The following CYB5R4 variants were observed in gnomAD, a reference collection of about 807,000 sequenced individuals.
The protein encoded by CYB5R4 is cytochrome b5 reductase 4.
CYB5R4 carries 55 observed loss-of-function variants against 70.2 expected under a neutral mutation model. The ratio of observed to expected loss-of-function variants is 0.78; its 90% CI spans 0.63 to 0.98. The LOEUF (loss-of-function observed/expected upper bound fraction) is 0.98, where lower values mean the gene tolerates loss of function less well. CYB5R4 is among the 50% of genes least tolerant of loss of function. The probability of loss-of-function intolerance (pLI) is 0.00; values close to 1 mark genes in which losing one functional copy is unlikely to be tolerated. For missense variants in CYB5R4, 562 were observed against 612.6 expected (o/e 0.92, Z 0.87); for synonymous variants, 197 against 199.5 (o/e 0.99, Z 0.11).
At chr6:83,898,249 G>C (rs2099462252) in intron 3 of CYB5R4, among the ~76,000 whole-genome samples, 1 of 152,074 alleles carries the variant, frequency 6.6e-6, no homozygotes, top group Non-Finnish European at 1.5e-5. Context: ...GTTTTTGTCA[G>C]GTTTGTCAAA....
rs1393018372 is a variant in CYB5R4, at chr6:83,955,338, TG to T, written c.1389del (p.Trp463Ter). ...TGTTCTCTCAGCACCTATTTCTGAA[TG>T]GAATGGCAAACAGGGACATATTTCA... is the stretch of plus-strand genomic sequence containing the variant. ...EFVLSAPISEWNGKQGHISPA... is the reference protein window; with the variant it reads ...EFVLSAPISEXNGKQGHISPA... On this transcript the variant is annotated frameshift_variant, in exon 15 of 16. Coordinates refer to ENST00000369681, the MANE Select transcript of CYB5R4 (RefSeq NM_016230.4). LOFTEE classifies it high-confidence loss of function. 6.2e-7 allele frequency: 1 copy of T among 1,613,818 alleles called. No homozygotes were observed. The highest frequency in any genetic ancestry group is 8.5e-7 in the Non-Finnish European group (1 of 1,179,894).
chr6:83,906,049 A>G (rs375828624), intron 3 of CYB5R4, among the ~76,000 whole-genome samples: 280 of 152,262 alleles, frequency 1.8e-3, no homozygotes, highest in African/African-American at 6.4e-3. Context: ...GAGGCCAGCC[A>G]TGGCAGGCAT....
chr6:83,868,250 A>C (rs1033987293), intron 2 of CYB5R4, among the ~76,000 whole-genome samples: 6 of 152,136 alleles, frequency 3.9e-5, no homozygotes, highest in African/African-American at 1.4e-4. Flanking sequence ...TCTGAATTCA[A>C]CTGATCACAA....
chr6:83,866,577 C>T (rs943586324), intron 2 of CYB5R4, among the ~76,000 whole-genome samples: 3 of 151,750 alleles, frequency 2.0e-5, no homozygotes, highest in Non-Finnish European at 4.4e-5. Flanking sequence ...GAATGTATAG[C>T]ACCTCGTCTG....
Position 83,922,469 on chromosome 6 carries a change from T to C in CYB5R4, c.690T>C (p.Ser230=). The C allele has an allele frequency of 1.2e-6, 2 of 1,613,350 alleles. No individual in the cohort carries two copies. Among genetic ancestry groups the C allele is most frequent in the Admixed American group, 3.3e-5 (2 of 59,974 alleles). ...GCCATGAGGTTCAGGAAGATTTTTC[T>C]GGTAAGCTACCAAAAACCAAAAATT... is the stretch of plus-strand genomic sequence containing the variant. ...GLSHEVQEDF[S]VRVVESVGKI... is the part of the protein sequence containing the mutation. Residue 230 remains serine (S), a splice_region_variant and synonymous_variant, in exon 9 of 16, where the codon TCT becomes TCC. Coordinates refer to ENST00000369681, the MANE Select transcript of CYB5R4 (RefSeq NM_016230.4).
At chr6:83,893,187 T>C (rs181690759) in intron 2 of CYB5R4, among the ~76,000 whole-genome samples, 1 of 152,346 alleles carries the variant, frequency 6.6e-6, no homozygotes, top group African/African-American at 2.4e-5. Flanking sequence ...TACCTGGCCC[T>C]CTTCACATAG....
At chr6:83,942,028 G>A (rs1401725584) in intron 14 of CYB5R4, among the ~76,000 whole-genome samples, 3 of 152,140 alleles carry the variant, frequency 2.0e-5, no homozygotes, top group East Asian at 3.9e-4. Context: ...AGAAGATAAC[G>A]TAAATGCTTT....
chr6:83,877,467 G>A (rs186343324), intron 2 of CYB5R4, among the ~76,000 whole-genome samples: 1 of 151,784 alleles, frequency 6.6e-6, no homozygotes, highest in Admixed American at 6.6e-5. Context: ...TTGGGCATCT[G>A]CATCTGGTGA....
At chr6:83,908,484 A>G (rs974027160) in intron 3 of CYB5R4, among the ~76,000 whole-genome samples, 5 of 152,236 alleles carry the variant, frequency 3.3e-5, no homozygotes, top group African/African-American at 1.2e-4. Flanking sequence ...CACACAAAAT[A>G]TAATAAAAAT....
intron 3 of CYB5R4, among the ~76,000 whole-genome samples, chr6:83,904,762 C>T (rs1217188328): frequency 2.0e-5 from 3 of 152,080 alleles, no homozygotes; most frequent in Non-Finnish European, 2.9e-5. Context: ...TTTTTCATGA[C>T]GTCTATCACT....
At chr6:83,922,790 A>G (rs2099466605) in intron 9 of CYB5R4, among the ~76,000 whole-genome samples, 1 of 151,192 alleles carries the variant, frequency 6.6e-6, no homozygotes, top group Non-Finnish European at 1.5e-5. Context: ...TCTTCCCCTT[A>G]TTCCTTTTTT....
intron 8 of CYB5R4, 67 bp from the exon 9 acceptor site, chr6:83,922,371 A>T: frequency 7.5e-7 from 1 of 1,326,514 alleles, no homozygotes; most frequent in Non-Finnish European, 1.1e-6. Context: ...CATTTAAATG[A>T]CATATGGTGT....
chr6:83,904,603 C>T (rs545241745), intron 3 of CYB5R4, among the ~76,000 whole-genome samples: 6 of 152,228 alleles, frequency 3.9e-5, no homozygotes, highest in South Asian at 2.1e-4. Flanking sequence ...CTAGATGATC[C>T]GTCTAATGCT....
chr6:83,868,198 A>G (rs907487489), intron 2 of CYB5R4, among the ~76,000 whole-genome samples: 11 of 151,882 alleles, frequency 7.2e-5, no homozygotes, highest in Admixed American at 4.6e-4. Context: ...TTAAAGTACT[A>G]ATTCCTTCAT....
chr6:83,963,767 G>A lies in CYB5R4; in HGVS notation c.*3889G>A, dbSNP rs2099473667. On this transcript the variant is annotated 3_prime_UTR_variant, in exon 16 of 16. Coordinates refer to ENST00000369681, the MANE Select transcript of CYB5R4 (RefSeq NM_016230.4). ...AATGTGGAAACAACCCAAACATCCT[G>A]ATATGGTTTGGCTCTGTGTCACCAC... 1 of 152,224 alleles carries A rather than the reference G, an allele frequency of 6.6e-6. No homozygotes were observed. The highest frequency in any genetic ancestry group is 1.5e-5 in the Non-Finnish European group (1 of 68,106). 9.4% of individuals were successfully genotyped at this position (152,224 alleles called of 1,614,324 possible).
chr6:83,939,952 T>A (rs1204123233), intron 12 of CYB5R4, 104 bp from the exon 13 acceptor site: 1 of 715,236 alleles, frequency 1.4e-6, no homozygotes. Flanking sequence ...TACTCCTCAG[T>A]GTTTTAAATT....
At chr6:83,924,142 CTT>C (rs35960110) in intron 9 of CYB5R4, among the ~76,000 whole-genome samples, 45 of 129,906 alleles carry the variant, frequency 3.5e-4, no homozygotes, top group Middle Eastern at 4.0e-3. Flanking sequence ...ACATCTCAAC[CTT>C]TTTTTTTTTT....
chr6:83,919,302 T>A (rs865832406), intron 6 of CYB5R4, 95 bp from the exon 7 acceptor site: 4 of 677,328 alleles, frequency 5.9e-6, no homozygotes, highest in Non-Finnish European at 2.4e-6. Context: ...AATACAGATA[T>A]GTCTCATTAT....
chr6:83,935,522 T>C (rs1402841881), intron 11 of CYB5R4, among the ~76,000 whole-genome samples: 1 of 152,210 alleles, frequency 6.6e-6, no homozygotes, highest in East Asian at 1.9e-4. Context: ...TTTTAATTTA[T>C]ATATGTATTT....
Sources: gnomAD v4.1 joint callset for allele counts (sites outside exome capture counted in the v4.1 genomes callset) on GRCh38, gnomAD v4.1.1 for gene constraint, MANE v1.5 for transcripts, NCBI Gene and HGNC (gene_info 2026-07-23, HGNC 2026-07-21) for gene names.